GREB1: variants seen among roughly 807,000 people sequenced by gnomAD.
GREB1 encodes the protein protein GREB1.
In GREB1, 106 loss-of-function variants were observed where a neutral mutation model predicts 200.7. The ratio of observed to expected loss-of-function variants is 0.53; its 90% CI spans 0.45 to 0.62. The LOEUF (loss-of-function observed/expected upper bound fraction) is 0.62, where lower values mean the gene tolerates loss of function less well. GREB1 is among the 20% of genes least tolerant of loss of function. The pLI is 0.00. For synonymous variants in GREB1, 1,132 were observed against 1,092.4 expected, an observed-to-expected ratio of 1.04 and a Z score of -0.72; for missense variants, 2,243 against 2,556.8, an observed-to-expected ratio of 0.88 and a Z score of 2.65.
chr2:11,566,084 T>G (rs1677615497), intron 3 of GREB1, among the ~76,000 whole-genome samples: 1 of 151,996 alleles, frequency 6.6e-6, no homozygotes, highest in African/African-American at 2.4e-5. Context: ...AGGGGCACAA[T>G]CTCAGCTCAC....
rs1175037210 is a variant in GREB1 at position 11,629,194 on chromosome 2, A to C, written c.4450-754A>C. ...CCCTGCAGACCCTGGATGCATGCATAGCACATGCTAGGAGGGGATGTCAGT... is the reference window on the plus strand; with the variant it reads ...CCCTGCAGACCCTGGATGCATGCATCGCACATGCTAGGAGGGGATGTCAGT... On this transcript the variant is annotated intron_variant, in intron 25 of 32. Coordinates refer to ENST00000381486, the MANE Select transcript of GREB1 (RefSeq NM_014668.4). The surrounding 1 kb of genome is among the most constrained non-coding windows in gnomAD (Gnocchi z 5.2). Among the ~76,000 whole-genome samples the C allele has an allele frequency of 6.6e-6, 1 of 151,984 alleles. No homozygotes were observed. Among genetic ancestry groups the C allele is most frequent in the Non-Finnish European group, 1.5e-5 (1 of 67,986 alleles).
intron 23 of GREB1, among the ~76,000 whole-genome samples, chr2:11,624,128 C>T (rs1248453438): frequency 6.6e-6 from 1 of 151,976 alleles, no homozygotes; most frequent in Non-Finnish European, 1.5e-5. Flanking sequence ...GTTTATAAAT[C>T]GAGTGTATCC....
chr2:11,538,096 A>G (rs1674384336), intron 1 of GREB1, among the ~76,000 whole-genome samples: 1 of 152,186 alleles, frequency 6.6e-6, no homozygotes, highest in Admixed American at 6.5e-5. Context: ...CTCCCCAACG[A>G]GTAAAGCCCT....
chr2:11,565,908 C>T (rs552695149), intron 3 of GREB1, among the ~76,000 whole-genome samples: 92 of 152,188 alleles, frequency 6.0e-4, no homozygotes, highest in African/African-American at 2.0e-3. Flanking sequence ...TTCCGTTTGC[C>T]GTCATGTGTT....
rs145105358 is a variant in GREB1 at position 11,564,040 on chromosome 2, G to T, written c.277+1458G>T. Among the ~76,000 whole-genome samples the T allele has an allele frequency of 3.5e-3, 539 of 152,302 alleles. 4 individuals are homozygous for T. Among genetic ancestry groups the T allele is most frequent in the African/African-American group, 0.013 (525 of 41,562 alleles). On this transcript the variant is annotated intron_variant, in intron 3 of 32. Transcript: ENST00000381486. ...AGTACGAGTCAGCCAGGAGACTGTG[G>T]AGGGGTTGGAGGAAGCTGGGAAGTT...
At chr2:11,506,831 C>G in intron 1 of GREB1, among the ~76,000 whole-genome samples, 1 of 152,150 alleles carries the variant, frequency 6.6e-6, no homozygotes, top group South Asian at 2.1e-4. Context: ...TGATACTGCA[C>G]ACACACTGCA....
intron 1 of GREB1, among the ~76,000 whole-genome samples, chr2:11,525,517 A>G (rs892016693): frequency 5.8e-4 from 87 of 150,764 alleles, no homozygotes; most frequent in Middle Eastern, 3.4e-3. Context: ...AAAAAAAAAA[A>G]GGCATTCAGG....
Position 11,632,986 on chromosome 2 carries a change from G to A in GREB1, c.4914G>A (p.Trp1638Ter), listed in dbSNP as rs1685010740. ...TGGGAATCAAGCCGCAGGACATCTG[G>A]CCTTTCATTGTGATCTCTGATGACT... ...EELGIKPQDI[W>*]PFIVISDDSC... The change falls in exon 28 of 33, where the codon TGG (tryptophan) becomes TGA (stop). Residue 1638 changes from tryptophan (W) to a stop codon, truncating the protein, a stop_gained. Coordinates refer to ENST00000381486, the MANE Select transcript of GREB1 (RefSeq NM_014668.4). LOFTEE classifies it high-confidence loss of function. 1 of 1,614,100 alleles carries A rather than the reference G, an allele frequency of 6.2e-7. No homozygotes were observed. The highest frequency in any genetic ancestry group is 8.5e-7 in the Non-Finnish European group (1 of 1,180,052).
intron 1 of GREB1, among the ~76,000 whole-genome samples, chr2:11,490,506 C>T (rs558628110): frequency 1.3e-5 from 2 of 152,222 alleles, no homozygotes; most frequent in Admixed American, 1.3e-4. Flanking sequence ...ATGAATGATG[C>T]TTGTAGGAAT....
At chr2:11,530,142 A>G (rs1036579191), upstream of GREB1, among the ~76,000 whole-genome samples, 7 of 151,942 alleles carry the variant, frequency 4.6e-5, no homozygotes, top group African/African-American at 1.7e-4. Flanking sequence ...GCTCACTGCA[A>G]TCTCAACCTC....
chr2:11,609,208 C>T (rs1322801391), intron 17 of GREB1, among the ~76,000 whole-genome samples: 1 of 151,848 alleles, frequency 6.6e-6, no homozygotes, highest in Non-Finnish European at 1.5e-5. Flanking sequence ...ATTTTCCCTA[C>T]TGCACTTTCT....
rs1416036080 is a variant in GREB1, at chr2:11,592,982, G to A, written c.1552G>A (p.Val518Ile). 2.5e-6 allele frequency: 4 copies of A among 1,606,638 alleles called. No homozygotes were observed. The highest frequency in any genetic ancestry group is 1.3e-5 in the African/African-American group (1 of 74,754). ...AASSCNDSVH[V>I]IECAYSLAEG... ...CAGCTCCTGCAACGACAGCGTGCAC[G>A]TCATCGAGTGTGCTTACTCCCTGGC... Residue 518 changes from valine to isoleucine, a missense_variant, in exon 11 of 33, where the codon GTC (valine) becomes ATC (isoleucine). This residue lies in a region of GREB1 where 1,178 missense variants were observed against 1,387.4 expected (regional missense o/e 0.85). Coordinates refer to ENST00000381486, the MANE Select transcript of GREB1 (RefSeq NM_014668.4).
chr2:11,590,378 C>T (rs1433864278), intron 10 of GREB1, among the ~76,000 whole-genome samples: 1 of 152,186 alleles, frequency 6.6e-6, no homozygotes, highest in Non-Finnish European at 1.5e-5. Context: ...CTCACTCCAC[C>T]CCTTCCCGGG....
intron 1 of GREB1, among the ~76,000 whole-genome samples, chr2:11,502,590 T>C (rs1027714840): frequency 6.6e-6 from 1 of 152,118 alleles, no homozygotes; most frequent in African/African-American, 2.4e-5. Context: ...TTTGCTCCTT[T>C]AGTAGTTTAT....
intron 22 of GREB1, among the ~76,000 whole-genome samples, 160 bp downstream of exon 22, chr2:11,619,079 G>A (rs1001573763): frequency 6.6e-6 from 1 of 152,228 alleles, no homozygotes; most frequent in Admixed American, 6.5e-5. Flanking sequence ...GGAGGGAGGA[G>A]GGCAGGACTC....
intron 1 of GREB1, among the ~76,000 whole-genome samples, chr2:11,504,140 A>G (rs947879309): frequency 7.2e-5 from 11 of 152,128 alleles, no homozygotes; most frequent in African/African-American, 2.7e-4. Flanking sequence ...CTGATATGAG[A>G]ACTGAGATGG....
At position 11,524,625 on chromosome 2, in the gene GREB1, A is replaced by C. The variant is rs148143917; in HGVS notation, c.-158-31832A>C. ...GGTCATCATGACCTTATTGTCTGGG[A>C]CATATTTGGCCTTGCTCTGTTTTGT... is the stretch of plus-strand genomic sequence containing the variant. On this transcript the variant is annotated intron_variant, in intron 1 of 2. Transcript: ENST00000628795. Among the ~76,000 whole-genome samples, 1,461 of 152,228 alleles carry C rather than the reference A, an allele frequency of 9.6e-3. 17 individuals carry two copies. Among genetic ancestry groups the C allele is most frequent in the Non-Finnish European group, 0.014 (945 of 68,008 alleles).
intron 1 of GREB1, among the ~76,000 whole-genome samples, chr2:11,554,300 G>T (rs543603979): frequency 6.6e-6 from 1 of 152,296 alleles, no homozygotes; most frequent in Admixed American, 6.5e-5. Flanking sequence ...AGAAGTTATT[G>T]CCACAAGCAG....
intron 31 of GREB1, 58 bp from the exon 32 acceptor site, chr2:11,638,610 TATA>T: frequency 6.5e-7 from 1 of 1,532,626 alleles, no homozygotes; most frequent in Non-Finnish European, 9.0e-7. Flanking sequence ...AAACCTGTAG[TATA>T]ATGTTACTGA....
Sources: allele counts gnomAD v4.1 joint callset (sites outside exome capture counted in the v4.1 genomes callset), GRCh38; gene constraint gnomAD v4.1.1; regional missense constraint gnomAD v4.1.1; non-coding constraint Gnocchi (gnomAD v3.1); transcripts MANE v1.5; gene names NCBI Gene and HGNC (gene_info 2026-07-23, HGNC 2026-07-21).